RBM19: variants seen among roughly 807,000 people sequenced by gnomAD.
RBM19 encodes probable RNA-binding protein 19.
In RBM19, 94 loss-of-function variants were observed where a neutral mutation model predicts 116.8. The observed-to-expected ratio is 0.80, with a 90% CI of 0.68 to 0.95. The LOEUF (loss-of-function observed/expected upper bound fraction) is 0.95, where lower values mean the gene tolerates loss of function less well. Ranked by LOEUF, RBM19 falls within the 40% of genes least tolerant of loss-of-function variation. The probability of loss-of-function intolerance (pLI) is 0.00; values close to 1 mark genes in which losing one functional copy is unlikely to be tolerated. For synonymous variants in RBM19, 475 were observed against 494.1 expected (o/e 0.96, Z 0.51); for missense variants, 1,161 against 1,220.7 (o/e 0.95, Z 0.73).
At chr12:113,940,362 G>T (rs1426765695) in intron 14 of RBM19, among the ~76,000 whole-genome samples, 3 of 151,880 alleles carry the variant, frequency 2.0e-5, no homozygotes, top group Admixed American at 6.5e-5. Flanking sequence ...CTGCAGAGGG[G>T]GTAAGGCCTG....
rs926223448 is a variant in RBM19, at chr12:113,844,617, G to C, written c.2785+51C>G. The C allele has an allele frequency of 3.8e-6, 6 of 1,565,472 alleles. No homozygotes were observed. In the Admixed American group the frequency reaches 1.1e-4, roughly 28 times the overall value. Reference sequence around the variant, plus strand: ...CTCTCAGATGTCCCACCCACCTCTTGTGTTCCCCAGGGGGCCCATGAGTCA... The same window carrying C: ...CTCTCAGATGTCCCACCCACCTCTTCTGTTCCCCAGGGGGCCCATGAGTCA... On this transcript the variant is annotated intron_variant, in intron 23 of 23. Coordinates refer to ENST00000261741, the MANE Select transcript of RBM19 (RefSeq NM_016196.4).
At chr12:113,943,621 A>T (rs1387215284) in intron 13 of RBM19, among the ~76,000 whole-genome samples, 1 of 152,114 alleles carries the variant, frequency 6.6e-6, no homozygotes, top group Non-Finnish European at 1.5e-5. Context: ...GGAGTTCGAG[A>T]CCAGCCTGAC....
chr12:113,907,614 C>T (rs1882157024), intron 21 of RBM19, among the ~76,000 whole-genome samples: 1 of 152,198 alleles, frequency 6.6e-6, no homozygotes, highest in Admixed American at 6.5e-5. Flanking sequence ...CAGGACTTAG[C>T]TTTATTTGTA....
At chr12:113,950,006 A>C (rs1871337181) in intron 9 of RBM19, 77 bp downstream of exon 9, 1 of 1,291,066 alleles carries the variant, frequency 7.7e-7, no homozygotes, top group Non-Finnish European at 1.1e-6. Context: ...TGGTGCTGGT[A>C]CAAGAACGTG....
intron 21 of RBM19, among the ~76,000 whole-genome samples, chr12:113,888,408 T>C (rs1880699295): frequency 6.6e-6 from 1 of 152,182 alleles, no homozygotes; most frequent in African/African-American, 2.4e-5. Context: ...ACCTTCTAAG[T>C]CCACATTCCA....
chr12:113,861,802 C>A (rs77940839), intron 21 of RBM19, among the ~76,000 whole-genome samples: 1 of 152,056 alleles, frequency 6.6e-6, no homozygotes, highest in Non-Finnish European at 1.5e-5. Flanking sequence ...CAGAAGGGCA[C>A]CCTGGATCTA....
downstream of RBM19, chr12:113,818,158 G>A (rs140879156): frequency 2.2e-5 from 3 of 137,524 alleles, no homozygotes; most frequent in African/African-American, 5.6e-5. Context: ...CCAGGGAGGT[G>A]AGCCCAGATC....
chr12:113,945,175 A>G (rs767006101), intron 13 of RBM19, among the ~76,000 whole-genome samples: 10 of 152,222 alleles, frequency 6.6e-5, no homozygotes, highest in East Asian at 1.9e-4. Flanking sequence ...TGGCTGGCCT[A>G]TGGTAAGCAT....
chr12:113,840,147 T>C (rs1283470978), intron 23 of RBM19, among the ~76,000 whole-genome samples: 1 of 152,208 alleles, frequency 6.6e-6, no homozygotes, highest in Non-Finnish European at 1.5e-5. Context: ...ACAATCCCCA[T>C]CTTACATCTT....
At position 113,904,110 on chromosome 12, in the gene RBM19, C is replaced by A. The variant is rs548579987; in HGVS notation, c.2558+10859G>T. 3.9e-5 allele frequency among the ~76,000 whole-genome samples: 6 copies of A among 152,262 alleles called. No homozygotes were observed. The South Asian group carries it at 1.2e-3, about 32-fold the overall frequency. ...GGCATTTTGTAGTCACTGCCTGGTACCTGTGCTCATCTTCCAGGTGGCTCA... is the reference window on the plus strand; with the variant it reads ...GGCATTTTGTAGTCACTGCCTGGTAACTGTGCTCATCTTCCAGGTGGCTCA... On this transcript the variant is annotated intron_variant, in intron 21 of 23. Coordinates refer to ENST00000261741, the MANE Select transcript of RBM19 (RefSeq NM_016196.4).
At chr12:113,875,846 C>T (rs1438415470) in intron 21 of RBM19, among the ~76,000 whole-genome samples, 1 of 152,178 alleles carries the variant, frequency 6.6e-6, no homozygotes, top group East Asian at 1.9e-4. Flanking sequence ...CTTCATCTCC[C>T]AGCTGCCTCT....
downstream of RBM19, chr12:113,821,982 CAG>C (rs1390189218): frequency 2.0e-5 from 3 of 152,194 alleles, no homozygotes; most frequent in Admixed American, 6.5e-5. Flanking sequence ...GTTTTATGCA[CAG>C]AGTCTGAAGA....
intron 21 of RBM19, among the ~76,000 whole-genome samples, chr12:113,904,572 G>C (rs1332895908): frequency 1.3e-5 from 2 of 152,150 alleles, no homozygotes; most frequent in African/African-American, 4.8e-5. Context: ...CGTTAATGGT[G>C]CCTTGCTCAC....
chr12:113,952,610 T>TC lies in RBM19; in HGVS notation c.922-21dup. 6.2e-7 allele frequency: 1 copy of TC among 1,600,250 alleles called. No homozygotes were observed. The highest frequency in any genetic ancestry group is 8.6e-7 in the Non-Finnish European group (1 of 1,167,518). ...ATTTTTCTGTGAGAAGAAGTTTTTT[T>TC]CCCCTTACCAACCACATAATAAAAG... On this transcript the variant is annotated intron_variant, in intron 7 of 23. Coordinates refer to ENST00000261741, the MANE Select transcript of RBM19 (RefSeq NM_016196.4).
chr12:113,947,616 T>A lies in RBM19; in HGVS notation c.1277-152A>T, dbSNP rs532913705. ...TGTCTATCCTAACAGCAACAATACC[T>A]GGGCTGGAGCCCAGCACCACCACCT... is the stretch of plus-strand genomic sequence containing the variant. On this transcript the variant is annotated intron_variant, in intron 10 of 23. Transcript: ENST00000261741. 1.4e-4 allele frequency: 116 copies of A among 808,538 alleles called. 1 individual carries two copies. The African/African-American group carries it at 1.7e-3, about 12-fold the overall frequency. The allele number at this position is 808,538 out of a possible 1,614,324, so 50.1% of individuals were successfully genotyped here. A position where few individuals can be genotyped will look rare whatever the true frequency, so the allele number is the denominator to read the frequency against.
intron 22 of RBM19, among the ~76,000 whole-genome samples, chr12:113,846,819 C>G (rs1877021116): frequency 6.6e-6 from 1 of 152,142 alleles, no homozygotes; most frequent in Non-Finnish European, 1.5e-5. Flanking sequence ...CTCAAGCAAT[C>G]CTCCCACCTT....
At chr12:113,818,168 C>G (rs1474743892), downstream of RBM19, 1 of 142,484 alleles carries the variant, frequency 7.0e-6, no homozygotes, top group Non-Finnish European at 1.5e-5. Flanking sequence ...GAGCCCAGAT[C>G]ACGCCACTGC....
At chr12:113,826,201 T>C (rs761714360) in intron 23 of RBM19, among the ~76,000 whole-genome samples, 1 of 152,186 alleles carries the variant, frequency 6.6e-6, no homozygotes, top group Non-Finnish European at 1.5e-5. Flanking sequence ...TGATGTACAC[T>C]TCCTAATCCC....
At chr12:113,872,378 C>A (rs1322229440) in intron 21 of RBM19, among the ~76,000 whole-genome samples, 11 of 150,878 alleles carry the variant, frequency 7.3e-5, no homozygotes, top group African/African-American at 2.4e-4. Flanking sequence ...GCAGCCACCC[C>A]GTCCGGGAGG....
Sources: allele counts gnomAD v4.1 joint callset (sites outside exome capture counted in the v4.1 genomes callset), GRCh38; gene constraint gnomAD v4.1.1; transcripts MANE v1.5; gene names NCBI Gene and HGNC (gene_info 2026-07-23, HGNC 2026-07-21).